Variants in SDK1 observed in about 807,000 individuals in gnomAD.
SDK1 encodes sidekick cell adhesion molecule 1.
A neutral mutation model predicts 245.5 loss-of-function variants in SDK1; 157 were observed. The ratio of observed to expected loss-of-function variants is 0.64; its 90% CI spans 0.56 to 0.73. SDK1 has a LOEUF of 0.73. Among genes scored for constraint, SDK1 ranks in the 30% least tolerant of loss-of-function variants. The pLI is 0.00. For synonymous variants in SDK1, 1,647 were observed against 1,278.5 expected, an observed-to-expected ratio of 1.29 and a Z score of -6.15; for missense variants, 3,583 against 3,002.3, an observed-to-expected ratio of 1.19 and a Z score of -4.52.
chr7:4,048,591 C>G (rs1445952131), intron 17 of SDK1, among the ~76,000 whole-genome samples: 1 of 151,998 alleles, frequency 6.6e-6, no homozygotes, highest in African/African-American at 2.4e-5. Flanking sequence ...TTCTCAAGAA[C>G]TTACCCCTCA....
At chr7:3,762,503 C>T (rs144310778) in intron 4 of SDK1, among the ~76,000 whole-genome samples, 113 of 152,256 alleles carry the variant, frequency 7.4e-4, no homozygotes, top group African/African-American at 2.7e-3. Context: ...TAACTTTCAC[C>T]GATACTTGCT....
intron 1 of SDK1, among the ~76,000 whole-genome samples, chr7:3,552,883 T>G (rs533894846): frequency 6.6e-6 from 1 of 152,246 alleles, no homozygotes; most frequent in East Asian, 1.9e-4. Context: ...TGCATAATTA[T>G]GCTTTCCAGT....
intron 1 of SDK1, among the ~76,000 whole-genome samples, chr7:3,392,935 G>A (rs1199275756): frequency 6.8e-6 from 1 of 147,230 alleles, no homozygotes; most frequent in Non-Finnish European, 1.5e-5. Context: ...TTGGCTTACA[G>A]GTATCTGTTT....
At position 4,205,970 on chromosome 7, in the gene SDK1, G is replaced by T; in HGVS notation, c.5190G>T (p.Gln1730His). 6.4e-7 allele frequency: 1 copy of T among 1,556,932 alleles called. No individual in the cohort carries two copies. Among genetic ancestry groups the T allele is most frequent in the East Asian group, 2.4e-5 (1 of 41,650 alleles). The change falls in exon 36 of 45, where the codon CAG (glutamine) becomes CAT (histidine). Residue 1730 changes from glutamine (Q) to histidine (H), a missense_variant. Physicochemically the swap from Gln to His is conservative, Grantham distance 24. Coordinates refer to ENST00000404826, the MANE Select transcript of SDK1 (RefSeq NM_152744.4). The stretch of plus-strand genomic sequence containing the variant: ...GGGACCCACCACCCCCGGAGAGCCA[G>T]AATGGGAACATCCAAGGCTACAAGG... ...VTWDPPPPES[Q>H]NGNIQGYKIY... is the part of the protein sequence containing the mutation.
At position 3,905,900 on chromosome 7, in the gene SDK1, A is replaced by G. The variant is rs926033012; in HGVS notation, c.848-45023A>G. ...CAGCCTCCCAAAGTGCTGAGATTGCAGGTATGAGCCACTGTACCTGGCCTC... is the reference window on the plus strand; with the variant it reads ...CAGCCTCCCAAAGTGCTGAGATTGCGGGTATGAGCCACTGTACCTGGCCTC... On this transcript the variant is annotated intron_variant, in intron 5 of 44. Coordinates refer to ENST00000404826, the MANE Select transcript of SDK1 (RefSeq NM_152744.4). Among the ~76,000 whole-genome samples, 6 of 152,288 alleles carry G rather than the reference A, an allele frequency of 3.9e-5. No individual in the cohort carries two copies. In the South Asian group the frequency reaches 1.0e-3, roughly 26 times the overall value.
chr7:3,940,483 T>G (rs576651202), intron 5 of SDK1, among the ~76,000 whole-genome samples: 1 of 152,202 alleles, frequency 6.6e-6, no homozygotes, highest in Non-Finnish European at 1.5e-5. Context: ...TGGCATCTTC[T>G]TCTTCCTTCC....
chr7:3,643,744 C>T (rs1014031201), intron 4 of SDK1: 3 of 150,720 alleles, frequency 2.0e-5, no homozygotes, highest in Admixed American at 2.0e-4. Flanking sequence ...AATTCCTTCC[C>T]TAAACCTGGT....
At chr7:3,328,316 A>C (rs1233573247) in intron 1 of SDK1, among the ~76,000 whole-genome samples, 3 of 152,106 alleles carry the variant, frequency 2.0e-5, no homozygotes, top group Admixed American at 6.5e-5. Context: ...AATTAGGCTT[A>C]TTTTAAGGTC....
chr7:4,088,496 A>T (rs1487726623), intron 22 of SDK1, among the ~76,000 whole-genome samples: 1 of 151,908 alleles, frequency 6.6e-6, no homozygotes. Flanking sequence ...TTTAAAAAAT[A>T]TATCCAGCCT....
chr7:3,704,895 C>T (rs372161260), intron 4 of SDK1, among the ~76,000 whole-genome samples: 22 of 152,264 alleles, frequency 1.4e-4, no homozygotes, highest in African/African-American at 5.3e-4. Flanking sequence ...CAGTTTCATT[C>T]TTCTACATGT....
At chr7:3,882,937 A>G (rs1254206831) in intron 5 of SDK1, among the ~76,000 whole-genome samples, 1 of 152,172 alleles carries the variant, frequency 6.6e-6, no homozygotes, top group East Asian at 1.9e-4. Context: ...TTCAAATGTA[A>G]TTTAGGTAAT....
At chr7:3,982,051 C>T (rs1783446330) in intron 13 of SDK1, among the ~76,000 whole-genome samples, 1 of 152,198 alleles carries the variant, frequency 6.6e-6, no homozygotes, top group Non-Finnish European at 1.5e-5. Context: ...GGCAGGCTGA[C>T]TCTCTTGTTA....
intron 5 of SDK1, among the ~76,000 whole-genome samples, chr7:3,873,247 C>A (rs1014525679): frequency 2.6e-5 from 4 of 152,088 alleles, no homozygotes; most frequent in African/African-American, 9.7e-5. Context: ...TTTCTTTAAA[C>A]ATTTGATGTA....
At chr7:3,925,052 C>G (rs1297941742) in intron 5 of SDK1, among the ~76,000 whole-genome samples, 1 of 152,140 alleles carries the variant, frequency 6.6e-6, no homozygotes, top group Non-Finnish European at 1.5e-5. Context: ...TCATTTTCCC[C>G]TTTTCTCAAT....
chr7:4,063,373 C>G (rs1779665358), intron 19 of SDK1, among the ~76,000 whole-genome samples: 1 of 151,938 alleles, frequency 6.6e-6, no homozygotes, highest in Non-Finnish European at 1.5e-5. Context: ...AAAAACATAT[C>G]TAGGAATTAA....
At chr7:4,133,693 G>A (rs1785012899) in intron 28 of SDK1, among the ~76,000 whole-genome samples, 1 of 152,186 alleles carries the variant, frequency 6.6e-6, no homozygotes, top group African/African-American at 2.4e-5. Flanking sequence ...GAGCTACTGT[G>A]AGCTCCCTGC....
At chr7:3,733,669 A>T (rs1398457839) in intron 4 of SDK1, among the ~76,000 whole-genome samples, 1 of 152,194 alleles carries the variant, frequency 6.6e-6, no homozygotes, top group Non-Finnish European at 1.5e-5. Flanking sequence ...AGTGACTAGT[A>T]ATGAAGTAAG....
intron 5 of SDK1, among the ~76,000 whole-genome samples, chr7:3,935,038 C>G (rs1562548199): frequency 2.0e-5 from 3 of 152,336 alleles, no homozygotes; most frequent in South Asian, 4.1e-4. Context: ...ACTTTGAGAG[C>G]ATTCTTTTCT....
chr7:4,084,560 C>A (rs1781301644), intron 22 of SDK1, among the ~76,000 whole-genome samples: 1 of 152,274 alleles, frequency 6.6e-6, no homozygotes, highest in African/African-American at 2.4e-5. Context: ...CCCAGCTGGT[C>A]CCTGCTTCGA....
Sources: gnomAD v4.1 joint callset for allele counts (sites outside exome capture counted in the v4.1 genomes callset) on GRCh38, gnomAD v4.1.1 for gene constraint, MANE v1.5 for transcripts, NCBI Gene and HGNC (gene_info 2026-07-23, HGNC 2026-07-21) for gene names.